DIP2A: variants seen among roughly 807,000 people sequenced by gnomAD.
DIP2A encodes disco-interacting protein 2 homolog A.
A neutral mutation model predicts 177.4 loss-of-function variants in DIP2A; 85 were observed. The ratio of observed to expected loss-of-function variants is 0.48; its 90% CI spans 0.40 to 0.57. The LOEUF (loss-of-function observed/expected upper bound fraction) is 0.57. Among genes scored for constraint, DIP2A ranks in the 20% least tolerant of loss-of-function variants. The probability of loss-of-function intolerance (pLI) is 0.00; values close to 1 mark genes in which losing one functional copy is unlikely to be tolerated. For synonymous variants in DIP2A, 886 were observed against 881.8 expected (o/e 1.00, Z -0.08); for missense variants, 1,791 against 2,100.2 (o/e 0.85, Z 2.88).
At chr21:46,547,656 C>CCTTT (rs2060109487) in intron 21 of DIP2A, among the ~76,000 whole-genome samples, 1 of 76,392 alleles carries the variant, frequency 1.3e-5, no homozygotes, top group African/African-American at 5.6e-5. Flanking sequence ...AAGGGGGTGC[C>CCTTT]TTTTTTTTTT....
chr21:46,520,665 T>C (rs904704708), intron 8 of DIP2A, among the ~76,000 whole-genome samples: 4 of 152,216 alleles, frequency 2.6e-5, no homozygotes, highest in African/African-American at 9.6e-5. Context: ...AAGCCACAAT[T>C]GACTAGGAAT....
chr21:46,547,138 T>A, intron 21 of DIP2A, 96 bp downstream of exon 21: 1 of 1,513,198 alleles, frequency 6.6e-7, no homozygotes, highest in Non-Finnish European at 8.9e-7. Context: ...CAAACTTGAA[T>A]TCACAAAGCC....
chr21:46,508,035 G>GC (rs1011925892), intron 6 of DIP2A, among the ~76,000 whole-genome samples: 3 of 150,876 alleles, frequency 2.0e-5, no homozygotes, highest in African/African-American at 7.3e-5. Flanking sequence ...ACTGTGCCCA[G>GC]CCCCCCATTT....
chr21:46,486,447 G>A (rs930648785), intron 2 of DIP2A, among the ~76,000 whole-genome samples: 2 of 152,160 alleles, frequency 1.3e-5, no homozygotes, highest in African/African-American at 4.8e-5. Flanking sequence ...TTCTGCCTCA[G>A]CCTTCCAAAG....
At chr21:46,530,391 A>AAAGGG (rs2059306389) in intron 9 of DIP2A, among the ~76,000 whole-genome samples, 1 of 152,232 alleles carries the variant, frequency 6.6e-6, no homozygotes, top group Admixed American at 6.5e-5. Context: ...AAGACAAAGA[A>AAAGGG]AAGGGAAGGG....
rs1386214431 is a variant in DIP2A at position 46,465,445 on chromosome 21, G to A, written c.91+6223G>A. 7.2e-5 allele frequency among the ~76,000 whole-genome samples: 11 copies of A among 152,080 alleles called. No individual in the cohort carries two copies. The South Asian group carries it at 2.1e-3, about 29-fold the overall frequency. ...AAAAATTAGCTGGTCATGGTGGCAC[G>A]TGCCTGTAATCCCAGCTACGTGGGA... On this transcript the variant is annotated intron_variant, in intron 1 of 37. Transcript: ENST00000417564.
At chr21:46,555,185 C>T (rs2060419974) in intron 28 of DIP2A, among the ~76,000 whole-genome samples, 1 of 152,258 alleles carries the variant, frequency 6.6e-6, no homozygotes, top group African/African-American at 2.4e-5. Context: ...TTGCCCCTCT[C>T]ACCCGCCTCC....
intron 32 of DIP2A, chr21:46,558,896 C>T (rs368729907): frequency 5.5e-5 from 11 of 198,706 alleles, no homozygotes; most frequent in Non-Finnish European, 8.2e-5. Flanking sequence ...GTCAGGAATT[C>T]GAGACCAGCC....
chr21:46,475,163 T>G (rs2055737320), intron 1 of DIP2A, among the ~76,000 whole-genome samples: 1 of 151,122 alleles, frequency 6.6e-6, no homozygotes. Flanking sequence ...GGATAATATC[T>G]AAGTTCTCCT....
At chr21:46,471,932 A>G (rs956765747) in intron 1 of DIP2A, among the ~76,000 whole-genome samples, 12 of 152,236 alleles carry the variant, frequency 7.9e-5, no homozygotes, top group Admixed American at 7.8e-4. Context: ...ATAGCAGACA[A>G]AGAGCTTTTA....
At chr21:46,518,866 A>G (rs2058699977) in intron 8 of DIP2A, among the ~76,000 whole-genome samples, 1 of 152,268 alleles carries the variant, frequency 6.6e-6, no homozygotes, top group African/African-American at 2.4e-5. Context: ...CAAGAAGTAT[A>G]TGTAAATAAA....
At chr21:46,464,191 C>G (rs1287908130) in intron 1 of DIP2A, among the ~76,000 whole-genome samples, 1 of 151,306 alleles carries the variant, frequency 6.6e-6, no homozygotes, top group Non-Finnish European at 1.5e-5. Flanking sequence ...GTTAGGAGTT[C>G]CAGACCAGCC....
the DIP2A span, among the ~76,000 whole-genome samples, chr21:46,578,438 A>G: frequency 2.0e-5 from 3 of 152,232 alleles, no homozygotes; most frequent in African/African-American, 7.2e-5. Flanking sequence ...TCCTATTTGA[A>G]TATCCATTAT....
downstream of DIP2A, among the ~76,000 whole-genome samples, chr21:46,572,805 C>G (rs2060977238): frequency 2.0e-5 from 3 of 152,216 alleles, no homozygotes; most frequent in South Asian, 6.2e-4. Context: ...GTGCCCTGTA[C>G]AAGTGTACTG....
At chr21:46,489,962 C>T (rs1211226615) in intron 2 of DIP2A, among the ~76,000 whole-genome samples, 4 of 152,052 alleles carry the variant, frequency 2.6e-5, no homozygotes, top group Non-Finnish European at 4.4e-5. Context: ...AGAGCAGCAG[C>T]GTGACCTTGA....
chr21:46,524,397 G>T (rs2058971096), intron 8 of DIP2A, among the ~76,000 whole-genome samples: 1 of 152,102 alleles, frequency 6.6e-6, no homozygotes, highest in South Asian at 2.1e-4. Flanking sequence ...CCTAAGTTGG[G>T]ACTCTAACCC....
the DIP2A span, among the ~76,000 whole-genome samples, chr21:46,576,324 T>A: frequency 6.6e-5 from 10 of 152,106 alleles, no homozygotes; most frequent in Non-Finnish European, 1.5e-4. Context: ...CCTCTGTGTG[T>A]CTATGTGTTC....
intron 18 of DIP2A, among the ~76,000 whole-genome samples, chr21:46,543,260 T>C (rs1353342407): frequency 6.6e-6 from 1 of 152,196 alleles, no homozygotes; most frequent in Non-Finnish European, 1.5e-5. Flanking sequence ...ACTTATTTAC[T>C]CATGGGGAAA....
chr21:46,541,746 T>G lies in DIP2A; in HGVS notation c.2037-10T>G. 6.2e-7 allele frequency: 1 copy of G among 1,613,880 alleles called. No individual in the cohort carries two copies. The highest frequency in any genetic ancestry group is 2.2e-5 in the East Asian group (1 of 44,882). ...TCGTCAGTTAAACCCATGGTGGTTT[T>G]ATTTTCTAGGCCACCTGATCTGGGA... On this transcript the variant is annotated splice_polypyrimidine_tract_variant and intron_variant, in intron 17 of 37. Coordinates refer to ENST00000417564, the MANE Select transcript of DIP2A (RefSeq NM_015151.4).
Sources: allele counts gnomAD v4.1 joint callset (sites outside exome capture counted in the v4.1 genomes callset), GRCh38; gene constraint gnomAD v4.1.1; transcripts MANE v1.5; gene names NCBI Gene and HGNC (gene_info 2026-07-23, HGNC 2026-07-21).